The following CNTNAP2 variants were observed in gnomAD, a reference collection of about 807,000 sequenced individuals.
The protein encoded by CNTNAP2 is contactin associated protein 2, also known as contactin-associated protein-like 2.
CNTNAP2 carries 98 observed loss-of-function variants against 155.2 expected under a neutral mutation model. That is an observed-to-expected ratio of 0.63 (90% CI 0.54 to 0.75). CNTNAP2 has a LOEUF of 0.75. Ranked by LOEUF, CNTNAP2 falls within the 30% of genes least tolerant of loss-of-function variation. The probability of loss-of-function intolerance (pLI) is 0.00; values close to 1 mark genes in which losing one functional copy is unlikely to be tolerated. For missense variants in CNTNAP2, 1,727 were observed against 1,688.1 expected, an observed-to-expected ratio of 1.02 and a Z score of -0.40; for synonymous variants, 651 against 631.2, an observed-to-expected ratio of 1.03 and a Z score of -0.47.
intron 8 of CNTNAP2, among the ~76,000 whole-genome samples, chr7:147,297,823 G>A (rs1243163954): frequency 6.6e-6 from 1 of 152,166 alleles, no homozygotes; most frequent in African/African-American, 2.4e-5. Context: ...TTCATCTGTT[G>A]ATGGACACTT....
At chr7:146,662,823 C>G (rs1048732749) in intron 1 of CNTNAP2, among the ~76,000 whole-genome samples, 2 of 151,790 alleles carry the variant, frequency 1.3e-5, no homozygotes, top group Non-Finnish European at 2.9e-5. Context: ...TTTTAAATAC[C>G]ATATTTTCTC....
intron 13 of CNTNAP2, chr7:147,704,623 T>C (rs1428089787): frequency 6.5e-6 from 1 of 153,584 alleles, no homozygotes; most frequent in East Asian, 1.9e-4. Context: ...TTCCCTCTTC[T>C]TCAGTCTTTG....
At chr7:148,396,949 C>G (rs1377126818) in intron 22 of CNTNAP2, among the ~76,000 whole-genome samples, 1 of 152,098 alleles carries the variant, frequency 6.6e-6, no homozygotes, top group Non-Finnish European at 1.5e-5. Flanking sequence ...TTTAAACATG[C>G]TAAAATGATT....
chr7:147,988,812 T>G (rs1432695823), intron 15 of CNTNAP2, among the ~76,000 whole-genome samples: 1 of 152,260 alleles, frequency 6.6e-6, no homozygotes, highest in African/African-American at 2.4e-5. Flanking sequence ...TGAAGAGAAT[T>G]AGTCTTGGCC....
chr7:147,039,190 G>A (rs915495723), intron 3 of CNTNAP2, among the ~76,000 whole-genome samples: 1 of 124,196 alleles, frequency 8.1e-6, no homozygotes, highest in Non-Finnish European at 1.8e-5. Context: ...ATACATATAT[G>A]TGTATGTGTG....
intron 13 of CNTNAP2, among the ~76,000 whole-genome samples, chr7:147,796,909 T>A (rs1797905057): frequency 6.6e-6 from 1 of 152,192 alleles, no homozygotes; most frequent in South Asian, 2.1e-4. Flanking sequence ...TCTCATTCAT[T>A]CTCTTTATTA....
At chr7:146,201,660 G>C (rs1798864841) in intron 1 of CNTNAP2, among the ~76,000 whole-genome samples, 1 of 151,842 alleles carries the variant, frequency 6.6e-6, no homozygotes, top group Non-Finnish European at 1.5e-5. Context: ...GTGTGTGTGT[G>C]TGTGTGTGTG....
At chr7:147,200,934 T>C (rs1175108109) in intron 8 of CNTNAP2, among the ~76,000 whole-genome samples, 1 of 152,208 alleles carries the variant, frequency 6.6e-6, no homozygotes, top group Admixed American at 6.5e-5. Context: ...GATGTGTATG[T>C]AATTGAAGTA....
chr7:147,472,204 C>CTTTTTTTTTTTTTTTTTTTTTTTTTT lies in CNTNAP2; in HGVS notation c.1671-13730_1671-13705dup, dbSNP rs542047274. ...ATCCATTGAAGTTTTTCTTTTTTTC[C>CTTTTTTTTTTTTTTTTTTTTTTTTTT]TTTTTTTTTTTTTTTTTTTTTTTTT... On this transcript the variant is annotated intron_variant, in intron 10 of 23. Coordinates refer to ENST00000361727, the MANE Select transcript of CNTNAP2 (RefSeq NM_014141.6). Among the ~76,000 whole-genome samples, 8 of 81,068 alleles carry CTTTTTTTTTTTTTTTTTTTTTTTTTT rather than the reference C, an allele frequency of 9.9e-5. 1 individual carries two copies. The highest frequency in any genetic ancestry group is 4.1e-4 in the African/African-American group (8 of 19,366). The allele number at this position is 81,068 out of a possible 152,430, so 53.2% of individuals were successfully genotyped here.
chr7:147,981,197 A>AT (rs775501737), intron 15 of CNTNAP2, among the ~76,000 whole-genome samples: 25 of 152,202 alleles, frequency 1.6e-4, no homozygotes, highest in Admixed American at 3.3e-4. Flanking sequence ...GGAACAGAGA[A>AT]TAGAAATAGC....
intron 1 of CNTNAP2, among the ~76,000 whole-genome samples, chr7:146,254,809 GT>G (rs1443641983): frequency 6.6e-6 from 1 of 152,018 alleles, no homozygotes; most frequent in African/African-American, 2.4e-5. Context: ...TCAGTGATTT[GT>G]CTTGTACCAT....
At chr7:146,786,320 G>C (rs1045470288) in intron 2 of CNTNAP2, among the ~76,000 whole-genome samples, 1 of 152,114 alleles carries the variant, frequency 6.6e-6, no homozygotes, top group African/African-American at 2.4e-5. Flanking sequence ...TAATGACTCT[G>C]TTAGCAACCG....
chr7:146,352,659 T>C (rs1414994241), intron 1 of CNTNAP2, among the ~76,000 whole-genome samples: 1 of 148,598 alleles, frequency 6.7e-6, no homozygotes, highest in Non-Finnish European at 1.5e-5. Context: ...CATCCTCATC[T>C]TTGGGAGATT....
chr7:147,321,467 C>G (rs2116820836), intron 9 of CNTNAP2, among the ~76,000 whole-genome samples: 1 of 152,126 alleles, frequency 6.6e-6, no homozygotes, highest in South Asian at 2.1e-4. Context: ...CCCTTTCAAG[C>G]TTCTGAATTA....
At chr7:146,979,402 T>C (rs1797972928) in intron 3 of CNTNAP2, among the ~76,000 whole-genome samples, 1 of 152,240 alleles carries the variant, frequency 6.6e-6, no homozygotes, top group Non-Finnish European at 1.5e-5. Context: ...CTTCTTATTA[T>C]CCAGATCGCA....
At chr7:146,212,142 A>G (rs1799043911) in intron 1 of CNTNAP2, among the ~76,000 whole-genome samples, 1 of 152,232 alleles carries the variant, frequency 6.6e-6, no homozygotes, top group Non-Finnish European at 1.5e-5. Flanking sequence ...CTTCTTAAAA[A>G]TACATCCAGA....
At chr7:146,876,299 T>C (rs2129208328) in intron 3 of CNTNAP2, among the ~76,000 whole-genome samples, 1 of 152,180 alleles carries the variant, frequency 6.6e-6, no homozygotes, top group South Asian at 2.1e-4. Context: ...TGCTGCCAAG[T>C]CCCCCAGGGC....
rs1332749674 is a variant in CNTNAP2 at position 146,384,815 on chromosome 7, T to G, written c.97+267842T>G. On this transcript the variant is annotated intron_variant, in intron 1 of 23. Coordinates refer to ENST00000361727, the MANE Select transcript of CNTNAP2 (RefSeq NM_014141.6). Reference sequence around the variant, plus strand: ...CTGAAAGGCCTTTTGACTCCTTGACTGTGTTAGTCTTTTTTCGATGTAATT... The same window carrying G: ...CTGAAAGGCCTTTTGACTCCTTGACGGTGTTAGTCTTTTTTCGATGTAATT... Among the ~76,000 whole-genome samples, 2 of 152,308 alleles carry G rather than the reference T, an allele frequency of 1.3e-5. 1 individual carries two copies. Among genetic ancestry groups the G allele is most frequent in the East Asian group, 3.9e-4 (2 of 5,170 alleles).
chr7:146,706,111 G>A (rs1228930087), intron 1 of CNTNAP2, among the ~76,000 whole-genome samples: 1 of 150,678 alleles, frequency 6.6e-6, no homozygotes, highest in East Asian at 1.9e-4. Flanking sequence ...TACCAGTCAT[G>A]ACAATAAAAA....
Sources: gnomAD v4.1 joint callset for allele counts (sites outside exome capture counted in the v4.1 genomes callset) on GRCh38, gnomAD v4.1.1 for gene constraint, MANE v1.5 for transcripts, NCBI Gene and HGNC (gene_info 2026-07-23, HGNC 2026-07-21) for gene names.